Variants in MRPL19 observed in about 807,000 individuals in gnomAD.
MRPL19 encodes mitochondrial ribosomal protein L19, also known as large ribosomal subunit protein bL19m.
In MRPL19, 31 loss-of-function variants were observed where a neutral mutation model predicts 34.0. The ratio of observed to expected loss-of-function variants is 0.91; its 90% CI spans 0.68 to 1.23. The LOEUF (loss-of-function observed/expected upper bound fraction) is 1.23, where lower values mean the gene tolerates loss of function less well. Ranked by LOEUF, MRPL19 falls within the 50% of genes most tolerant of loss-of-function variation. MRPL19 has a pLI of 0.00. For missense variants in MRPL19, 384 were observed against 367.6 expected (o/e 1.04, Z -0.37); for synonymous variants, 152 against 127.7 (o/e 1.19, Z -1.28).
In MRPL19 at chr2:75,652,260, GGTCA is replaced by G. The variant is rs1678347500; in HGVS notation, c.340+3_340+6del. 1 of 1,531,590 alleles carries G rather than the reference GGTCA, an allele frequency of 6.5e-7. No homozygotes were observed. The highest frequency in any genetic ancestry group is 8.9e-7 in the Non-Finnish European group (1 of 1,118,686). The allele number at this position is 1,531,590 out of a possible 1,614,324, so 94.9% of individuals were successfully genotyped here. ...ACTCCACATTCCAGAGTTCTATGTT[GGTCA>G]GTAAGAGCTGTATGTTTTTATTATT... On this transcript the variant is annotated splice_donor_variant and splice_donor_region_variant and intron_variant, in intron 3 of 5. Transcript: ENST00000393909. LOFTEE classifies it high-confidence loss of function.
Position 75,647,198 on chromosome 2 carries a change from G to C in MRPL19, c.200G>C (p.Arg67Pro), listed in dbSNP as rs1678242813. 6.3e-7 allele frequency: 1 copy of C among 1,580,536 alleles called. No individual in the cohort carries two copies. Among genetic ancestry groups the C allele is most frequent in the Non-Finnish European group, 8.6e-7 (1 of 1,162,892 alleles). ...AAACCGGTCATCGTGGACAAGCACC[G>C]CCCCGTGGAACCGGAACGCAGGTGA... Reference protein sequence around the residue: ...PPKPVIVDKHRPVEPERRFLS... With the variant: ...PPKPVIVDKHPPVEPERRFLS... The change falls in exon 2 of 6, where the codon CGC becomes CCC. Residue 67 changes from arginine (R) to proline (P), a missense_variant. Physicochemically the swap from Arg to Pro is moderately radical, Grantham distance 103. Transcript: ENST00000393909.
chr2:75,650,425 A>G (rs984473834), intron 2 of MRPL19, among the ~76,000 whole-genome samples: 1 of 152,222 alleles, frequency 6.6e-6, no homozygotes, highest in Non-Finnish European at 1.5e-5. Flanking sequence ...TTACAGAGGG[A>G]GAACCAGCAA....
intron 2 of MRPL19, 66 bp downstream of exon 2, chr2:75,647,285 C>T: frequency 6.8e-7 from 1 of 1,466,068 alleles, no homozygotes; most frequent in Non-Finnish European, 9.2e-7. Context: ...CGTTCGCGTT[C>T]GAGGTCCCGG....
chr2:75,652,131 A>AT lies in MRPL19; in HGVS notation c.222-5dup. On this transcript the variant is annotated splice_polypyrimidine_tract_variant and intron_variant, in intron 2 of 5. Transcript: ENST00000393909. ...AGTTTACTTTTAATTATTTATTTGT[A>AT]TTTTTTACAGGTTCTTGAGTCCTGA... 1 of 1,476,654 alleles carries AT rather than the reference A, an allele frequency of 6.8e-7. No homozygotes were observed. Among genetic ancestry groups the AT allele is most frequent in the Non-Finnish European group, 9.2e-7 (1 of 1,089,250 alleles). The allele number at this position is 1,476,654 out of a possible 1,614,324, so 91.5% of individuals were successfully genotyped here. A position where few individuals can be genotyped will look rare whatever the true frequency, so the allele number is the denominator to read the frequency against.
At chr2:75,653,563 T>C (rs1266846510) in intron 4 of MRPL19, among the ~76,000 whole-genome samples, 1 of 152,226 alleles carries the variant, frequency 6.6e-6, no homozygotes, top group Non-Finnish European at 1.5e-5. Context: ...CCATTCTCTG[T>C]AGTATGTCTG....
In MRPL19 at chr2:75,661,140, T is replaced by C. The variant is rs967598835; in HGVS notation, c.*5855T>C. ...GATCAGGGTCCAAGACAGAATGCAGTTGCTGATTTCAAGACTGCTGCAACA... is the reference window on the plus strand; with the variant it reads ...GATCAGGGTCCAAGACAGAATGCAGCTGCTGATTTCAAGACTGCTGCAACA... On this transcript the variant is annotated 3_prime_UTR_variant, in exon 6 of 6. Coordinates refer to ENST00000393909, the MANE Select transcript of MRPL19 (RefSeq NM_014763.4). The C allele has an allele frequency of 1.3e-5, 2 of 152,188 alleles. No individual in the cohort carries two copies. Among genetic ancestry groups the C allele is most frequent in the Non-Finnish European group, 2.9e-5 (2 of 68,034 alleles). 9.4% of individuals were successfully genotyped at this position (152,188 alleles called of 1,614,324 possible). A position where few individuals can be genotyped will look rare whatever the true frequency, so the allele number is the denominator to read the frequency against.
chr2:75,653,750 A>C (rs981133177), intron 4 of MRPL19, among the ~76,000 whole-genome samples: 4 of 152,176 alleles, frequency 2.6e-5, no homozygotes, highest in African/African-American at 7.2e-5. Context: ...TCAACACTCT[A>C]TTTGGATGTC....
Position 75,655,223 on chromosome 2 carries a change from T to C in MRPL19, c.817T>C (p.Tyr273His). ...PWLEFDMMREYDTSKIEAAIW... is the reference protein window; with the variant it reads ...PWLEFDMMREHDTSKIEAAIW... Reference sequence around the variant, plus strand: ...GCTTGAATTTGATATGATGAGGGAATATGATACTTCAAAAATTGAAGCTGC... The same window carrying C: ...GCTTGAATTTGATATGATGAGGGAACATGATACTTCAAAAATTGAAGCTGC... Residue 273 changes from tyrosine to histidine, a missense_variant, in exon 6 of 6, where the codon TAT (tyrosine) becomes CAT (histidine). Tyr to His is a moderately conservative substitution (Grantham distance 83). Transcript: ENST00000393909. 1 of 1,613,384 alleles carries C rather than the reference T, an allele frequency of 6.2e-7. No individual in the cohort carries two copies. Among genetic ancestry groups the C allele is most frequent in the Non-Finnish European group, 8.5e-7 (1 of 1,179,642 alleles).
chr2:75,655,001 T>G, intron 5 of MRPL19, 63 bp from the exon 6 acceptor site: 2 of 1,519,410 alleles, frequency 1.3e-6, no homozygotes, highest in Non-Finnish European at 1.8e-6. Context: ...CAGAAGAATT[T>G]TTGCTCATGC....
Position 75,655,927 on chromosome 2 carries a change from AT to A in MRPL19, c.*644del, listed in dbSNP as rs1309121163. On this transcript the variant is annotated 3_prime_UTR_variant, in exon 6 of 6. Coordinates refer to ENST00000393909, the MANE Select transcript of MRPL19 (RefSeq NM_014763.4). ...AGTATAAAGGGGCAGTATTACTATT[AT>A]TGCATGAAGGCTTCAAGGGAAACGT... The A allele has an allele frequency of 6.6e-6, 1 of 151,912 alleles. No individual in the cohort carries two copies. Among genetic ancestry groups the A allele is most frequent in the Non-Finnish European group, 1.5e-5 (1 of 68,026 alleles). The allele number at this position is 151,912 out of a possible 1,614,324, so 9.4% of individuals were successfully genotyped here.
rs1464247156 is a variant in MRPL19 at position 75,655,509 on chromosome 2, G to A, written c.*224G>A. 1.2e-5 allele frequency: 5 copies of A among 405,692 alleles called. No individual in the cohort carries two copies. The highest frequency in any genetic ancestry group is 2.2e-5 in the Non-Finnish European group (5 of 229,030). 25.1% of individuals were successfully genotyped at this position (405,692 alleles called of 1,614,324 possible). A position where few individuals can be genotyped will look rare whatever the true frequency, so the allele number is the denominator to read the frequency against. ...ACCAATGTCCATTTGCTTATTGGAG[G>A]CAAAGCTACAATAGAAGTCAGAGCA... On this transcript the variant is annotated 3_prime_UTR_variant, in exon 6 of 6. Transcript: ENST00000393909.
chr2:75,657,996 C>T lies in MRPL19; in HGVS notation c.*2711C>T, dbSNP rs762724547. 3 of 152,068 alleles carry T rather than the reference C, an allele frequency of 2.0e-5. No homozygotes were observed. Among genetic ancestry groups the T allele is most frequent in the Admixed American group, 6.6e-5 (1 of 15,254 alleles). The allele number at this position is 152,068 out of a possible 1,614,324, so 9.4% of individuals were successfully genotyped here. ...ATTACTACTATTTCCAAAATTTTCTCATCACCCCAAACTGAAACTCTGTAA... is the reference window on the plus strand; with the variant it reads ...ATTACTACTATTTCCAAAATTTTCTTATCACCCCAAACTGAAACTCTGTAA... On this transcript the variant is annotated 3_prime_UTR_variant, in exon 6 of 6. Transcript: ENST00000393909.
chr2:75,655,225 T>G lies in MRPL19; in HGVS notation c.819T>G (p.Tyr273Ter). Residue 273 changes from tyrosine to a stop codon, truncating the protein, a stop_gained, in exon 6 of 6, where the codon TAT (tyrosine) becomes TAG (stop). Coordinates refer to ENST00000393909, the MANE Select transcript of MRPL19 (RefSeq NM_014763.4). LOFTEE classifies it high-confidence loss of function. ...TTGAATTTGATATGATGAGGGAATA[T>G]GATACTTCAAAAATTGAAGCTGCAA... ...PWLEFDMMRE[Y>*]DTSKIEAAIW... The G allele has an allele frequency of 6.2e-7, 1 of 1,613,502 alleles. No homozygotes were observed. The highest frequency in any genetic ancestry group is 1.3e-5 in the African/African-American group (1 of 74,942).
Position 75,647,199 on chromosome 2 carries a change from C to T in MRPL19, c.201C>T (p.Arg67=). The change falls in exon 2 of 6, where the codon CGC becomes CGT. Residue 67 remains arginine, a synonymous_variant. Transcript: ENST00000393909. ...AACCGGTCATCGTGGACAAGCACCG[C>T]CCCGTGGAACCGGAACGCAGGTGAG... ...PPKPVIVDKH[R]PVEPERRFLS... 1.9e-6 allele frequency: 3 copies of T among 1,580,160 alleles called. No individual in the cohort carries two copies. Among genetic ancestry groups the T allele is most frequent in the Non-Finnish European group, 2.6e-6 (3 of 1,162,650 alleles).
rs1176862932 is a variant in MRPL19, at chr2:75,650,351, A to G, written c.222-1791A>G. 2.6e-5 allele frequency among the ~76,000 whole-genome samples: 4 copies of G among 152,234 alleles called. No homozygotes were observed. In the East Asian group the frequency reaches 5.8e-4, roughly 22 times the overall value. ...TTTGTAAGACTTACACAATTTTCAC[A>G]TAGCTTCATTTCTACAATCACAACA... On this transcript the variant is annotated intron_variant, in intron 2 of 5. Coordinates refer to ENST00000393909, the MANE Select transcript of MRPL19 (RefSeq NM_014763.4).
rs1435289204 is a variant in MRPL19 at position 75,656,867 on chromosome 2, G to T, written c.*1582G>T. 6.6e-6 allele frequency: 1 copy of T among 151,940 alleles called. No individual in the cohort carries two copies. The highest frequency in any genetic ancestry group is 1.5e-5 in the Non-Finnish European group (1 of 67,966). 9.4% of individuals were successfully genotyped at this position (151,940 alleles called of 1,614,324 possible). A position where few individuals can be genotyped will look rare whatever the true frequency, so the allele number is the denominator to read the frequency against. On this transcript the variant is annotated 3_prime_UTR_variant, in exon 6 of 6. Coordinates refer to ENST00000393909, the MANE Select transcript of MRPL19 (RefSeq NM_014763.4). ...TGCTTTGTTCTCCCAACTATTATTTGGATGTTGGATATCCAGCACTGGGTA... is the reference window on the plus strand; with the variant it reads ...TGCTTTGTTCTCCCAACTATTATTTTGATGTTGGATATCCAGCACTGGGTA...
At chr2:75,652,114 TTTAA>T (rs1443622329) in intron 2 of MRPL19, 24 bp from the exon 3 acceptor site, 1 of 1,380,858 alleles carries the variant, frequency 7.2e-7, no homozygotes, top group Non-Finnish European at 9.9e-7. Context: ...TGAGTTTACT[TTTAA>T]TTATTTATTT....
In MRPL19 at chr2:75,649,258, C is replaced by T. The variant is rs142487839; in HGVS notation, c.221+2039C>T. Among the ~76,000 whole-genome samples the T allele has an allele frequency of 5.3e-5, 8 of 152,240 alleles. No homozygotes were observed. The East Asian group carries it at 9.7e-4, about 18-fold the overall frequency. ...CTTGATTGTATTTTGAATTGGGCAA[C>T]GAATAGATGTAAAATACCTTCCCAG... On this transcript the variant is annotated intron_variant, in intron 2 of 5. Transcript: ENST00000393909.
Position 75,658,545 on chromosome 2 carries a change from T to C in MRPL19, c.*3260T>C, listed in dbSNP as rs983104171. Among the ~76,000 whole-genome samples the C allele has an allele frequency of 2.6e-4, 40 of 152,204 alleles. No individual in the cohort carries two copies. Among genetic ancestry groups the C allele is most frequent in the African/African-American group, 9.6e-4 (40 of 41,458 alleles). On this transcript the variant is annotated 3_prime_UTR_variant, in exon 6 of 6. Coordinates refer to ENST00000393909, the MANE Select transcript of MRPL19 (RefSeq NM_014763.4). ...TGAGTAGAATTGCTAGATAATGTCA[T>C]GTTTTATTTCTCTTGTGATTTCTTC...
Sources: gnomAD v4.1 joint callset for allele counts (sites outside exome capture counted in the v4.1 genomes callset) on GRCh38, gnomAD v4.1.1 for gene constraint, MANE v1.5 for transcripts, NCBI Gene and HGNC (gene_info 2026-07-23, HGNC 2026-07-21) for gene names.